Variants in C9orf43 observed in about 807,000 individuals in gnomAD.
The protein encoded by C9orf43 is chromosome 9 open reading frame 43.
In C9orf43, 45 loss-of-function variants were observed where a neutral mutation model predicts 59.1. That is an observed-to-expected ratio of 0.76 (90% CI 0.60 to 0.98). The LOEUF is 0.98. Among genes scored for constraint, C9orf43 ranks in the 50% least tolerant of loss-of-function variants. The pLI is 0.00. For missense variants in C9orf43, 533 were observed against 554.9 expected (o/e 0.96, Z 0.40); for synonymous variants, 203 against 196.8 (o/e 1.03, Z -0.26).
intron 4 of C9orf43, 67 bp from the exon 5 acceptor site, chr9:113,421,036 A>G: frequency 8.0e-7 from 1 of 1,249,816 alleles, no homozygotes; most frequent in Non-Finnish European, 1.2e-6. Context: ...TTTGCTTAGC[A>G]TATCCTTAAT....
At chr9:113,421,790 C>G (rs935391022) in intron 5 of C9orf43, among the ~76,000 whole-genome samples, 1 of 152,000 alleles carries the variant, frequency 6.6e-6, no homozygotes, top group Admixed American at 6.6e-5. Flanking sequence ...TTTTGTTTTT[C>G]TTTTTAAAAA....
rs1039244418 is a variant in C9orf43 at position 113,413,575 on chromosome 9, A to G, written c.82A>G (p.Ile28Val). The change falls in exon 2 of 14, where the codon ATC becomes GTC. Residue 28 changes from isoleucine to valine, a missense_variant. Ile to Val is a conservative substitution (Grantham distance 29). Coordinates refer to ENST00000374165, the MANE Select transcript of C9orf43 (RefSeq NM_001278629.2). Reference protein sequence around the residue: ...VCQHPQCWATIRRIERGHPRI... With the variant: ...VCQHPQCWATVRRIERGHPRI... ...TCAGCACCCACAATGCTGGGCAACT[A>G]TCCGCCGCATTGAGAGGGGCCATCC... is the stretch of plus-strand genomic sequence containing the variant. 6.2e-6 allele frequency: 10 copies of G among 1,614,102 alleles called. No individual in the cohort carries two copies. The East Asian group carries it at 6.7e-5, about 11-fold the overall frequency.
intron 12 of C9orf43, among the ~76,000 whole-genome samples, chr9:113,428,492 A>T (rs1488921997): frequency 4.6e-5 from 7 of 151,694 alleles, no homozygotes. Context: ...TCATGAAAGC[A>T]GTTTCTTAAG....
At chr9:113,424,951 G>C (rs1828726776) in intron 8 of C9orf43, 68 bp from the exon 9 acceptor site, 1 of 1,366,750 alleles carries the variant, frequency 7.3e-7, no homozygotes. Context: ...AAACGCATTT[G>C]GGGGATACAT....
At chr9:113,412,945 T>C in intron 1 of C9orf43, among the ~76,000 whole-genome samples, 1 of 152,220 alleles carries the variant, frequency 6.6e-6, no homozygotes, top group South Asian at 2.1e-4. Flanking sequence ...CATTGAAAAA[T>C]GAAACATGTC....
In C9orf43 at chr9:113,429,227, C is replaced by T. The variant is rs200133500; in HGVS notation, c.1227C>T (p.Asp409=). 1.2e-4 allele frequency: 195 copies of T among 1,614,034 alleles called. 1 individual carries two copies. Among genetic ancestry groups the T allele is most frequent in the Middle Eastern group, 3.3e-4 (2 of 6,084 alleles). The change falls in exon 14 of 14, where the codon GAC becomes GAT. Residue 409 remains aspartate, a synonymous_variant. Transcript: ENST00000374165. ...ACAAGGACATTAGTGCTCCAGTGGA[C>T]GCTGTGCCAGAAGCCCAGGCTGCCA... ...PTNKDISAPV[D]AVPEAQAARQ...
At chr9:113,414,586 C>T (rs1427879909) in intron 3 of C9orf43, among the ~76,000 whole-genome samples, 1 of 152,052 alleles carries the variant, frequency 6.6e-6, no homozygotes, top group African/African-American at 2.4e-5. Context: ...TACTGAGCCC[C>T]TCTCCCTATG....
rs757203921 is a variant in C9orf43 at position 113,424,317 on chromosome 9, G to A, written c.807+1G>A. 1.2e-5 allele frequency: 20 copies of A among 1,603,738 alleles called. No individual in the cohort carries two copies. The highest frequency in any genetic ancestry group is 1.5e-5 in the Non-Finnish European group (18 of 1,176,656). ...ATCTATACACCGCCTCACCCTGGAA[G>A]TAAGAGCTAGGAAACAGCAGGGAAG... On this transcript the variant is annotated splice_donor_variant, in intron 8 of 13. Coordinates refer to ENST00000374165, the MANE Select transcript of C9orf43 (RefSeq NM_001278629.2). LOFTEE classifies it high-confidence loss of function.
At chr9:113,421,410 C>T (rs961195025) in intron 5 of C9orf43, among the ~76,000 whole-genome samples, 4 of 151,600 alleles carry the variant, frequency 2.6e-5, no homozygotes, top group Admixed American at 6.6e-5. Flanking sequence ...TGGGACTTCT[C>T]CATATCAAAT....
At chr9:113,417,699 T>G (rs1478479952) in intron 3 of C9orf43, among the ~76,000 whole-genome samples, 1 of 152,070 alleles carries the variant, frequency 6.6e-6, no homozygotes, top group African/African-American at 2.4e-5. Context: ...AGGAAGCGAG[T>G]TCTAAACCAT....
At chr9:113,411,144 G>T in intron 1 of C9orf43, 143 bp downstream of exon 1, 1 of 982,742 alleles carries the variant, frequency 1.0e-6, no homozygotes, top group East Asian at 1.1e-4. Flanking sequence ...GGCAGGTAAC[G>T]AAAGGGCGAG....
intron 3 of C9orf43, among the ~76,000 whole-genome samples, chr9:113,415,078 C>T (rs1275621640): frequency 3.3e-5 from 5 of 151,764 alleles, no homozygotes; most frequent in Non-Finnish European, 4.4e-5. Context: ...GTGATCCACC[C>T]GCCTCAGCCT....
In C9orf43 at chr9:113,413,851, T is replaced by G; in HGVS notation, c.244T>G (p.Leu82Val). The G allele has an allele frequency of 6.2e-7, 1 of 1,613,632 alleles. No homozygotes were observed. Among genetic ancestry groups the G allele is most frequent in the Non-Finnish European group, 8.5e-7 (1 of 1,179,838 alleles). The change falls in exon 3 of 14, where the codon TTA (leucine) becomes GTA (valine). Residue 82 changes from leucine to valine, a missense_variant. Transcript: ENST00000374165. ...PECTFTKAHS[L>V]LSQSSKFYSK... is the part of the protein sequence containing the mutation. ...ATGTACCTTTACTAAGGCCCATTCTTTATTGTCTCAGAGTTCAAAGTTTTA... is the reference window on the plus strand; with the variant it reads ...ATGTACCTTTACTAAGGCCCATTCTGTATTGTCTCAGAGTTCAAAGTTTTA...
intron 11 of C9orf43, 55 bp from the exon 12 acceptor site, chr9:113,428,092 A>T: frequency 6.3e-7 from 1 of 1,588,466 alleles, no homozygotes; most frequent in South Asian, 1.1e-5. Flanking sequence ...GAAGCCCCCA[A>T]ATAGGGTATG....
chr9:113,420,998 T>C (rs1828542260), intron 4 of C9orf43, 105 bp from the exon 5 acceptor site: 15 of 995,786 alleles, frequency 1.5e-5, no homozygotes, highest in Non-Finnish European at 2.2e-5. Flanking sequence ...ATGGGAAACT[T>C]AAAATCATCT....
intron 3 of C9orf43, 89 bp downstream of exon 3, chr9:113,413,983 G>T: frequency 7.1e-7 from 1 of 1,405,780 alleles, no homozygotes; most frequent in South Asian, 1.4e-5. Context: ...CTTTGAGAAA[G>T]CTAGATTAAA....
rs763827480 is a variant in C9orf43, at chr9:113,424,314, G to T, written c.805G>T (p.Glu269Ter). ...TCTATCTATACACCGCCTCACCCTGGAAGTAAGAGCTAGGAAACAGCAGGG... is the reference window on the plus strand; with the variant it reads ...TCTATCTATACACCGCCTCACCCTGTAAGTAAGAGCTAGGAAACAGCAGGG... ...MFLSIHRLTL[E>*]RPALRYPERL... Residue 269 changes from glutamate (E) to a stop codon, truncating the protein, a stop_gained and splice_region_variant, in exon 8 of 14, where the codon GAA (glutamate) becomes TAA (stop). Coordinates refer to ENST00000374165, the MANE Select transcript of C9orf43 (RefSeq NM_001278629.2). LOFTEE classifies it high-confidence loss of function. 77 of 1,604,656 alleles carry T rather than the reference G, an allele frequency of 4.8e-5. No homozygotes were observed. The highest frequency in any genetic ancestry group is 8.5e-7 in the Non-Finnish European group (1 of 1,177,038).
At chr9:113,429,001 G>A (rs964105938) in intron 13 of C9orf43, 38 bp downstream of exon 13, 3 of 1,565,040 alleles carry the variant, frequency 1.9e-6, no homozygotes, top group Middle Eastern at 1.7e-4. Context: ...GTAAGTGACT[G>A]AGGATAGGGA....
intron 5 of C9orf43, among the ~76,000 whole-genome samples, chr9:113,421,811 G>A (rs1564407772): frequency 6.6e-6 from 1 of 152,048 alleles, no homozygotes; most frequent in Non-Finnish European, 1.5e-5. Flanking sequence ...ATAATCCTGT[G>A]AGTGCTTCTC....
Sources: allele counts gnomAD v4.1 joint callset (sites outside exome capture counted in the v4.1 genomes callset), GRCh38; gene constraint gnomAD v4.1.1; transcripts MANE v1.5; gene names NCBI Gene and HGNC (gene_info 2026-07-23, HGNC 2026-07-21).